The following DDIAS variants were observed in gnomAD, a reference collection of about 807,000 sequenced individuals.
The protein encoded by DDIAS is DNA damage induced apoptosis suppressor.
Under a neutral mutation model 15.7 loss-of-function variants are expected in DDIAS, and 14 were observed. That is an observed-to-expected ratio of 0.89 (90% CI 0.59 to 1.39). The LOEUF is 1.39. Among genes scored for constraint, DDIAS ranks in the 40% most tolerant of loss-of-function variants. The pLI is 0.00. For synonymous variants in DDIAS, 355 were observed against 395.9 expected, an observed-to-expected ratio of 0.90 and a Z score of 1.23; for missense variants, 1,035 against 1,130.9, an observed-to-expected ratio of 0.92 and a Z score of 1.22.
chr11:82,912,305 T>C (rs1860543210), intron 1 of DDIAS, among the ~76,000 whole-genome samples: 2 of 152,182 alleles, frequency 1.3e-5, no homozygotes, highest in African/African-American at 4.8e-5. Flanking sequence ...TGTTGTTTAG[T>C]GTAGCCACCA....
intron 1 of DDIAS, 124 bp downstream of exon 1, chr11:82,901,946 G>A (rs1860316668): frequency 6.6e-6 from 1 of 152,194 alleles, no homozygotes; most frequent in South Asian, 2.1e-4. Context: ...GTGGTTCTCT[G>A]TAAACGGGCA....
intron 1 of DDIAS, among the ~76,000 whole-genome samples, chr11:82,907,665 G>C (rs1295916543): frequency 2.0e-5 from 3 of 152,140 alleles, no homozygotes; most frequent in African/African-American, 7.2e-5. Context: ...TCAGCCTCCT[G>C]AGTAGCTGGA....
chr11:82,918,051 T>C (rs534951834), intron 3 of DDIAS, among the ~76,000 whole-genome samples: 1 of 152,374 alleles, frequency 6.6e-6, no homozygotes, highest in Admixed American at 6.5e-5. Flanking sequence ...GTCAGATGTA[T>C]AGATTGTGAA....
chr11:82,928,759 T>C lies in DDIAS; in HGVS notation c.114-18T>C. 1 of 1,610,672 alleles carries C rather than the reference T, an allele frequency of 6.2e-7. No individual in the cohort carries two copies. The stretch of plus-strand genomic sequence containing the variant: ...CATTTAATGAACATCTCCACACTTT[T>C]TTCCACCACTTTTCTAGGTCTAATT... On this transcript the variant is annotated intron_variant, in intron 3 of 5. Coordinates refer to ENST00000533655, the MANE Select transcript of DDIAS (RefSeq NM_145018.4).
At chr11:82,906,234 G>C (rs1177546522) in intron 1 of DDIAS, among the ~76,000 whole-genome samples, 2 of 152,096 alleles carry the variant, frequency 1.3e-5, no homozygotes, top group Non-Finnish European at 2.9e-5. Context: ...CAATAAATGG[G>C]AAGCCTTTTT....
intron 1 of DDIAS, among the ~76,000 whole-genome samples, chr11:82,905,720 G>C (rs543935453): frequency 1.3e-5 from 2 of 152,192 alleles, no homozygotes; most frequent in Admixed American, 1.3e-4. Context: ...CTAGTGACTA[G>C]GTAGGGACCT....
At chr11:82,926,760 C>T (rs1251885852) in intron 3 of DDIAS, among the ~76,000 whole-genome samples, 1 of 152,214 alleles carries the variant, frequency 6.6e-6, no homozygotes, top group Non-Finnish European at 1.5e-5. Context: ...AAGCTCTAAT[C>T]TGTATTACAC....
intron 1 of DDIAS, among the ~76,000 whole-genome samples, chr11:82,908,771 G>A (rs1860475412): frequency 6.6e-6 from 1 of 152,156 alleles, no homozygotes; most frequent in Non-Finnish European, 1.5e-5. Context: ...TGCCTTTGAT[G>A]CTTACAACAA....
chr11:82,930,726 A>G (rs1317716980), intron 5 of DDIAS, among the ~76,000 whole-genome samples: 1 of 144,978 alleles, frequency 6.9e-6, no homozygotes, highest in Non-Finnish European at 1.5e-5. Flanking sequence ...CTTAAATATA[A>G]AAGTGACTGT....
In DDIAS at chr11:82,933,853, G is replaced by T. The variant is rs1861058186; in HGVS notation, c.2515G>T (p.Val839Leu). The change falls in exon 6 of 6, where the codon GTA becomes TTA. Residue 839 changes from valine (V) to leucine (L), a missense_variant. By Grantham distance (32) the Val-to-Leu change is conservative. Coordinates refer to ENST00000533655, the MANE Select transcript of DDIAS (RefSeq NM_145018.4). ...TAGCCAGAAAATCAGAAGCCCTATT[G>T]TATCTGGTGTTTCACAACCAGACGT... ...TPSQKIRSPI[V>L]SGVSQPDVFN... is the part of the protein sequence containing the mutation. 1 of 1,614,078 alleles carries T rather than the reference G, an allele frequency of 6.2e-7. No individual in the cohort carries two copies. The highest frequency in any genetic ancestry group is 1.7e-5 in the Admixed American group (1 of 60,000).
At position 82,928,800 on chromosome 11, in the gene DDIAS, C is replaced by G. The variant is rs1399725926; in HGVS notation, c.137C>G (p.Ser46Cys). 1.2e-6 allele frequency: 2 copies of G among 1,613,510 alleles called. No individual in the cohort carries two copies. The highest frequency in any genetic ancestry group is 2.2e-5 in the East Asian group (1 of 44,774). The change falls in exon 4 of 6, where the codon TCT (serine) becomes TGT (cysteine). Residue 46 changes from serine to cysteine, a missense_variant. Coordinates refer to ENST00000533655, the MANE Select transcript of DDIAS (RefSeq NM_145018.4). Reference sequence around the variant, plus strand: ...AGGTCTAATTGTCCAAAATGTGGCTCTACTGGTGAATCTGGAAATGCCAAT... The same window carrying G: ...AGGTCTAATTGTCCAAAATGTGGCTGTACTGGTGAATCTGGAAATGCCAAT... Reference protein sequence around the residue: ...SKRSNCPKCGSTGESGNANYR... With the variant: ...SKRSNCPKCGCTGESGNANYR...
At chr11:82,910,789 T>G in intron 1 of DDIAS, among the ~76,000 whole-genome samples, 1 of 151,908 alleles carries the variant, frequency 6.6e-6, no homozygotes, top group East Asian at 1.9e-4. Flanking sequence ...CTAATTTTTT[T>G]TGTTTTTTGG....
intron 5 of DDIAS, among the ~76,000 whole-genome samples, chr11:82,931,019 TA>T (rs1413918539): frequency 1.3e-5 from 2 of 152,074 alleles, no homozygotes; most frequent in East Asian, 3.9e-4. Context: ...TTTCCTTAGC[TA>T]AAGAGAACTA....
intron 5 of DDIAS, 24 bp from the exon 6 acceptor site, chr11:82,931,708 T>C: frequency 6.5e-7 from 1 of 1,549,762 alleles, no homozygotes; most frequent in South Asian, 1.2e-5. Flanking sequence ...TATTCTTACT[T>C]AAATTTCTTT....
intron 1 of DDIAS, among the ~76,000 whole-genome samples, chr11:82,904,662 C>G (rs1221671820): frequency 2.0e-5 from 3 of 152,174 alleles, no homozygotes; most frequent in Non-Finnish European, 4.4e-5. Context: ...CTTACTGAAT[C>G]AAACTCTGGA....
At chr11:82,912,478 A>G (rs1047504686) in intron 1 of DDIAS, among the ~76,000 whole-genome samples, 7 of 152,162 alleles carry the variant, frequency 4.6e-5, no homozygotes, top group African/African-American at 1.7e-4. Flanking sequence ...GCTAGCTTCA[A>G]GCATTTTTTT....
intron 5 of DDIAS, among the ~76,000 whole-genome samples, 198 bp from the exon 6 acceptor site, chr11:82,931,534 T>A (rs1426922087): frequency 6.6e-6 from 1 of 151,800 alleles, no homozygotes; most frequent in African/African-American, 2.4e-5. Context: ...GTGGGGGTAT[T>A]TTTTTTAGAG....
Position 82,933,277 on chromosome 11 carries a change from A to G in DDIAS, c.1939A>G (p.Asn647Asp), listed in dbSNP as rs1013380904. The change falls in exon 6 of 6, where the codon AAT becomes GAT. Residue 647 changes from asparagine to aspartate, a missense_variant. Coordinates refer to ENST00000533655, the MANE Select transcript of DDIAS (RefSeq NM_145018.4). ...TTGCAATAGTCCAAATAGAAGTACA[A>G]ATACATTGAAAGAAATGCCTTGGGG... ...TLCNSPNRST[N>D]TLKEMPWGHI... 4.3e-6 allele frequency: 7 copies of G among 1,613,452 alleles called. No individual in the cohort carries two copies. Among genetic ancestry groups the G allele is most frequent in the South Asian group, 1.1e-5 (1 of 90,890 alleles).
chr11:82,934,441 A>C lies in DDIAS; in HGVS notation c.*106A>C, dbSNP rs974324572. ...CATTTTGAACACTTGGAGAGAAGCA[A>C]ATTGAAAACAGGACTCTGCTGGGAG... On this transcript the variant is annotated 3_prime_UTR_variant, in exon 6 of 6. Coordinates refer to ENST00000533655, the MANE Select transcript of DDIAS (RefSeq NM_145018.4). The C allele has an allele frequency of 6.0e-6, 7 of 1,168,466 alleles. No homozygotes were observed. Among genetic ancestry groups the C allele is most frequent in the African/African-American group, 1.5e-5 (1 of 64,592 alleles). 72.4% of individuals were successfully genotyped at this position (1,168,466 alleles called of 1,614,324 possible).
Sources: gnomAD v4.1 joint callset for allele counts (sites outside exome capture counted in the v4.1 genomes callset) on GRCh38, gnomAD v4.1.1 for gene constraint, MANE v1.5 for transcripts, NCBI Gene and HGNC (gene_info 2026-07-23, HGNC 2026-07-21) for gene names.